Variants in PDE4D observed in about 807,000 individuals in gnomAD.
PDE4D encodes the protein 3',5'-cyclic-AMP phosphodiesterase 4D.
A neutral mutation model predicts 87.4 loss-of-function variants in PDE4D; 24 were observed. That is an observed-to-expected ratio of 0.27 (90% CI 0.20 to 0.39). PDE4D has a LOEUF of 0.39. PDE4D is among the 10% of genes least tolerant of loss of function. PDE4D has a pLI of 1.00. For synonymous variants in PDE4D, 384 were observed against 383.2 expected (o/e 1.00, Z -0.02); for missense variants, 714 against 1,041.0 (o/e 0.69, Z 4.32).
chr5:59,099,961 A>C (rs1463678230), intron 5 of PDE4D, among the ~76,000 whole-genome samples: 4 of 152,160 alleles, frequency 2.6e-5, no homozygotes, highest in African/African-American at 7.2e-5. Context: ...TACTTCTTTT[A>C]TGTTCCAAGC....
Position 59,649,904 on chromosome 5 carries a change from C to CTTT in PDE4D, c.455+243263_455+243264insAAA, listed in dbSNP as rs1561402852. 7.6e-3 allele frequency among the ~76,000 whole-genome samples: 564 copies of CTTT among 73,952 alleles called. 136 individuals are homozygous for CTTT. The highest frequency in any genetic ancestry group is 8.9e-3 in the Non-Finnish European group (354 of 39,644). 48.5% of individuals were successfully genotyped at this position (73,952 alleles called of 152,430 possible). On this transcript the variant is annotated intron_variant, in intron 1 of 14. Coordinates refer to ENST00000340635, the MANE Select transcript of PDE4D (RefSeq NM_001104631.2). The stretch of plus-strand genomic sequence containing the variant: ...TGTTAAAATGTTGATAGTTTGTGAA[C>CTTT]CTTTTTTTTTTTTTTTTTTTTTTTT...
Position 60,496,603 on chromosome 5 carries a change from C to CA in PDE4D, n.70+25447dup, listed in dbSNP as rs560067932. Among the ~76,000 whole-genome samples, 732 of 150,888 alleles carry CA rather than the reference C, an allele frequency of 4.9e-3. 3 individuals carry two copies. Among genetic ancestry groups the CA allele is most frequent in the Non-Finnish European group, 7.5e-3 (509 of 67,608 alleles). Reference sequence around the variant, plus strand: ...AAGAAAAAAAGGAAACTGTGTATGACAAAAAAAAATCAAAATACATTTTTT... The same window carrying CA: ...AAGAAAAAAAGGAAACTGTGTATGACAAAAAAAAAATCAAAATACATTTTTT... On this transcript the variant is annotated intron_variant and non_coding_transcript_variant, in intron 1 of 2. Coordinates refer to the PDE4D transcript ENST00000506510.
At chr5:59,502,261 A>T (rs1170684227) in intron 1 of PDE4D, among the ~76,000 whole-genome samples, 1 of 152,172 alleles carries the variant, frequency 6.6e-6, no homozygotes, top group East Asian at 1.9e-4. Flanking sequence ...CTATATGCAG[A>T]TGTTCCATTA....
intron 1 of PDE4D, among the ~76,000 whole-genome samples, chr5:59,862,583 G>A (rs531117717): frequency 2.0e-5 from 3 of 152,228 alleles, no homozygotes; most frequent in Admixed American, 6.5e-5. Context: ...CAATCTCCAC[G>A]TCTGTAAAAT....
Position 59,427,292 on chromosome 5 carries a change from TACACACACACACAC to T in PDE4D, c.456-211338_456-211325del, listed in dbSNP as rs60646746. Among the ~76,000 whole-genome samples, 960 of 132,346 alleles carry T rather than the reference TACACACACACACAC, an allele frequency of 7.3e-3. 8 individuals carry two copies. The highest frequency in any genetic ancestry group is 0.019 in the African/African-American group (680 of 34,972). The allele number at this position is 132,346 out of a possible 152,430, so 86.8% of individuals were successfully genotyped here. A position where few individuals can be genotyped will look rare whatever the true frequency, so the allele number is the denominator to read the frequency against. ...TGTGGCATACAGGGAAGTGATTTTATACACACACACACACACACACACACACACACACACACACA... is the reference window on the plus strand; with the variant it reads ...TGTGGCATACAGGGAAGTGATTTTATACACACACACACACACACACACACA... On this transcript the variant is annotated intron_variant, in intron 1 of 14. Transcript: ENST00000340635.
At chr5:59,975,592 A>G (rs1482147053) in intron 3 of PDE4D, among the ~76,000 whole-genome samples, 1 of 152,066 alleles carries the variant, frequency 6.6e-6, no homozygotes, top group Non-Finnish European at 1.5e-5. Context: ...TTTTTCTTAT[A>G]TTGCACCTGC....
intron 1 of PDE4D, among the ~76,000 whole-genome samples, chr5:60,343,751 C>G (rs1758508439): frequency 6.6e-6 from 1 of 152,138 alleles, no homozygotes; most frequent in African/African-American, 2.4e-5. Flanking sequence ...AGCTTTCTCC[C>G]ATGCCTCCTC....
chr5:60,305,388 G>C (rs1026346737), intron 1 of PDE4D, among the ~76,000 whole-genome samples: 5 of 151,942 alleles, frequency 3.3e-5, no homozygotes, highest in African/African-American at 1.2e-4. Flanking sequence ...TTATTTAACA[G>C]TTCTATAAGC....
chr5:59,780,915 C>G (rs1439354127), intron 1 of PDE4D, among the ~76,000 whole-genome samples: 1 of 152,038 alleles, frequency 6.6e-6, no homozygotes, highest in Non-Finnish European at 1.5e-5. Context: ...GCCTGTAATC[C>G]CAGCACTTTG....
At chr5:59,433,924 G>A (rs1796455809) in intron 1 of PDE4D, among the ~76,000 whole-genome samples, 1 of 151,908 alleles carries the variant, frequency 6.6e-6, no homozygotes, top group African/African-American at 2.4e-5. Context: ...TCTAATAACT[G>A]GAATAATACA....
intron 1 of PDE4D, among the ~76,000 whole-genome samples, chr5:59,731,194 T>C (rs375512773): frequency 4.1e-5 from 6 of 147,374 alleles, no homozygotes; most frequent in Non-Finnish European, 3.0e-5. Flanking sequence ...GAACAGGTTG[T>C]CAGAGAGGGG....
At chr5:59,561,930 CAAA>C (rs34711969) in intron 1 of PDE4D, among the ~76,000 whole-genome samples, 14 of 138,936 alleles carry the variant, frequency 1.0e-4, no homozygotes, top group South Asian at 2.3e-4. Context: ...GAAACGCTGT[CAAA>C]AAAAAAAAAA....
At chr5:60,062,110 C>G (rs1185915784) in intron 2 of PDE4D, among the ~76,000 whole-genome samples, 1 of 152,102 alleles carries the variant, frequency 6.6e-6, no homozygotes, top group Non-Finnish European at 1.5e-5. Flanking sequence ...AAACTGTCAT[C>G]AGAGTGAACA....
intron 6 of PDE4D, among the ~76,000 whole-genome samples, chr5:59,031,779 C>CAT (rs1757588414): frequency 7.3e-6 from 1 of 136,072 alleles, no homozygotes; most frequent in South Asian, 2.5e-4. Context: ...TCATTCACAA[C>CAT]ATCATGGAAT....
chr5:60,104,419 A>G (rs1776620870), intron 2 of PDE4D, among the ~76,000 whole-genome samples: 2 of 152,176 alleles, frequency 1.3e-5, no homozygotes, highest in Admixed American at 1.3e-4. Flanking sequence ...TGTAGGCTCC[A>G]CCTCTGGGGG....
intron 1 of PDE4D, among the ~76,000 whole-genome samples, chr5:59,237,815 G>C (rs914473267): frequency 1.0e-5 from 1 of 95,872 alleles, no homozygotes; most frequent in African/African-American, 3.9e-5. Context: ...GTGTGTGTGT[G>C]TGTGTGAACT....
chr5:59,783,566 C>T (rs1764832717), intron 1 of PDE4D, among the ~76,000 whole-genome samples: 1 of 152,198 alleles, frequency 6.6e-6, no homozygotes, highest in African/African-American at 2.4e-5. Context: ...CTTAAACTTC[C>T]TTCCTCAGGC....
chr5:60,318,093 A>C (rs1447400911), intron 1 of PDE4D, among the ~76,000 whole-genome samples: 1 of 152,156 alleles, frequency 6.6e-6, no homozygotes, highest in Non-Finnish European at 1.5e-5. Flanking sequence ...GGGGTGTTAA[A>C]GTCTCCCATT....
At chr5:58,992,172 T>C (rs1457370222) in intron 7 of PDE4D, among the ~76,000 whole-genome samples, 168 bp from the exon 8 acceptor site, 3 of 152,212 alleles carry the variant, frequency 2.0e-5, no homozygotes, top group African/African-American at 7.2e-5. Flanking sequence ...TGGACTTAAT[T>C]TGATGTCTTC....
Sources: allele counts gnomAD v4.1 joint callset (sites outside exome capture counted in the v4.1 genomes callset), GRCh38; gene constraint gnomAD v4.1.1; transcripts MANE v1.5; gene names NCBI Gene and HGNC (gene_info 2026-07-23, HGNC 2026-07-21).